The following MGAT4A variants were observed in gnomAD, a reference collection of about 807,000 sequenced individuals.
MGAT4A encodes N-acetylglucosaminyltransferase IVa.
A neutral mutation model predicts 74.1 loss-of-function variants in MGAT4A; 33 were observed. The ratio of observed to expected loss-of-function variants is 0.45; its 90% CI spans 0.34 to 0.60. MGAT4A has a LOEUF of 0.60. MGAT4A is among the 20% of genes least tolerant of loss of function. The pLI, the probability that MGAT4A is intolerant of heterozygous loss-of-function variation, is 0.02. For synonymous variants in MGAT4A, 198 were observed against 210.4 expected (o/e 0.94, Z 0.51); for missense variants, 479 against 628.3 (o/e 0.76, Z 2.54).
chr2:98,691,579 T>C (rs1366019735), intron 2 of MGAT4A, among the ~76,000 whole-genome samples: 1 of 152,236 alleles, frequency 6.6e-6, no homozygotes, highest in Non-Finnish European at 1.5e-5. Context: ...CTGCCAGTCA[T>C]GTAACAGTCT....
At position 98,623,270 on chromosome 2, in the gene MGAT4A, C is replaced by G. The variant is rs964375503; in HGVS notation, c.*2296G>C. On this transcript the variant is annotated 3_prime_UTR_variant, in exon 16 of 16. Coordinates refer to ENST00000393487, the MANE Select transcript of MGAT4A (RefSeq NM_012214.3). ...GCTGGGAGGGCAAACTGCATGAAAA[C>G]AGGAAAAAGCTAGCCAGGCAGGCTG... 2 of 985,300 alleles carry G rather than the reference C, an allele frequency of 2.0e-6. No individual in the cohort carries two copies. The highest frequency in any genetic ancestry group is 2.4e-6 in the Non-Finnish European group (2 of 829,952). 61.0% of individuals were successfully genotyped at this position (985,300 alleles called of 1,614,324 possible).
intron 2 of MGAT4A, among the ~76,000 whole-genome samples, chr2:98,721,073 C>G (rs1036192544): frequency 6.6e-6 from 1 of 152,126 alleles, no homozygotes; most frequent in African/African-American, 2.4e-5. Context: ...AAGGGAACTT[C>G]CATAAGATTA....
intron 14 of MGAT4A, among the ~76,000 whole-genome samples, chr2:98,627,934 T>C (rs1701172011): frequency 6.6e-6 from 1 of 152,218 alleles, no homozygotes; most frequent in Non-Finnish European, 1.5e-5. Flanking sequence ...TATGACACAT[T>C]CAAATCTTTT....
intron 8 of MGAT4A, among the ~76,000 whole-genome samples, chr2:98,654,684 T>A (rs189504200): frequency 9.9e-4 from 151 of 152,270 alleles, no homozygotes; most frequent in Non-Finnish European, 2.0e-3. Flanking sequence ...TGTGCTCATG[T>A]ATTGGAAGAC....
In MGAT4A at chr2:98,623,904, C is replaced by T. The variant is rs1701100254; in HGVS notation, c.*1662G>A. The T allele has an allele frequency of 1.0e-6, 1 of 985,396 alleles. No homozygotes were observed. The allele number at this position is 985,396 out of a possible 1,614,324, so 61.0% of individuals were successfully genotyped here. A position where few individuals can be genotyped will look rare whatever the true frequency, so the allele number is the denominator to read the frequency against. On this transcript the variant is annotated 3_prime_UTR_variant, in exon 16 of 16. Transcript: ENST00000393487. ...AGCGCTAGGCCCCAGCCAGTGGTCACTCTGAAAGCTCAGCAGAATCCATCT... is the reference window on the plus strand; with the variant it reads ...AGCGCTAGGCCCCAGCCAGTGGTCATTCTGAAAGCTCAGCAGAATCCATCT...
intron 2 of MGAT4A, among the ~76,000 whole-genome samples, chr2:98,700,427 G>GTCTA (rs145963788): frequency 6.7e-6 from 1 of 149,828 alleles, no homozygotes; most frequent in African/African-American, 2.5e-5. Context: ...TGCATTATCT[G>GTCTA]TCTATCTATC....
At chr2:98,726,030 A>AG in intron 2 of MGAT4A, 1 of 476,308 alleles carries the variant, frequency 2.1e-6, no homozygotes, top group Non-Finnish European at 3.7e-6. Context: ...CAATTATAAG[A>AG]AACTGAAAAC....
chr2:98,655,768 C>T, intron 7 of MGAT4A: 1 of 342,094 alleles, frequency 2.9e-6, no homozygotes, highest in Non-Finnish European at 5.3e-6. Context: ...AAAAATGAGT[C>T]TAATATCAAG....
At chr2:98,627,735 AT>A (rs932356994) in intron 14 of MGAT4A, among the ~76,000 whole-genome samples, 12 of 152,172 alleles carry the variant, frequency 7.9e-5, no homozygotes, top group African/African-American at 2.9e-4. Context: ...ATTTGGGAAA[AT>A]TTCAATCTTG....
chr2:98,651,346 T>C (rs985699128), intron 8 of MGAT4A, among the ~76,000 whole-genome samples: 1 of 152,202 alleles, frequency 6.6e-6, no homozygotes, highest in Non-Finnish European at 1.5e-5. Context: ...AAATCACTTC[T>C]TAAAGACTAA....
Position 98,625,715 on chromosome 2 carries a change from A to T in MGAT4A, c.1581+8T>A. 1 of 1,604,422 alleles carries T rather than the reference A, an allele frequency of 6.2e-7. No individual in the cohort carries two copies. Among genetic ancestry groups the T allele is most frequent in the South Asian group, 1.1e-5 (1 of 90,606 alleles). ...CTAAGTTGTTTCACTGATTTGATAT[A>T]TGCTTACCTCATTAAGAATGGCCCA... is the stretch of plus-strand genomic sequence containing the variant. On this transcript the variant is annotated splice_region_variant and intron_variant, in intron 15 of 15. Coordinates refer to ENST00000393487, the MANE Select transcript of MGAT4A (RefSeq NM_012214.3).
intron 10 of MGAT4A, among the ~76,000 whole-genome samples, chr2:98,641,295 T>C (rs1701404891): frequency 6.6e-6 from 1 of 151,576 alleles, no homozygotes; most frequent in Non-Finnish European, 1.5e-5. Flanking sequence ...CCAAGGTAGA[T>C]GGATCACCTG....
In MGAT4A at chr2:98,623,277, A is replaced by G; in HGVS notation, c.*2289T>C. ...GGGCAAACTGCATGAAAACAGGAAAAAGCTAGCCAGGCAGGCTGTCTTTAA... is the reference window on the plus strand; with the variant it reads ...GGGCAAACTGCATGAAAACAGGAAAGAGCTAGCCAGGCAGGCTGTCTTTAA... On this transcript the variant is annotated 3_prime_UTR_variant, in exon 16 of 16. Transcript: ENST00000393487. The G allele has an allele frequency of 1.0e-6, 1 of 985,372 alleles. No individual in the cohort carries two copies. The highest frequency in any genetic ancestry group is 1.2e-6 in the Non-Finnish European group (1 of 829,946). 61.0% of individuals were successfully genotyped at this position (985,372 alleles called of 1,614,324 possible).
intron 2 of MGAT4A, among the ~76,000 whole-genome samples, chr2:98,690,455 C>T (rs2104301844): frequency 6.6e-6 from 1 of 152,314 alleles, no homozygotes; most frequent in African/African-American, 2.4e-5. Flanking sequence ...CTGATGGATG[C>T]TTTGGACTTT....
chr2:98,709,870 A>G (rs1382964648), intron 2 of MGAT4A, among the ~76,000 whole-genome samples: 3 of 152,178 alleles, frequency 2.0e-5, no homozygotes, highest in East Asian at 1.9e-4. Flanking sequence ...CACTTTTCAC[A>G]TTCTCCTTTA....
intron 4 of MGAT4A, among the ~76,000 whole-genome samples, chr2:98,667,110 T>C (rs1041459073): frequency 5.8e-5 from 3 of 51,594 alleles, no homozygotes; most frequent in Non-Finnish European, 1.0e-4. Flanking sequence ...CTCTGCCTGC[T>C]GCCATCCACA....
intron 8 of MGAT4A, among the ~76,000 whole-genome samples, chr2:98,654,833 A>G (rs1286562754): frequency 6.6e-6 from 1 of 152,154 alleles, no homozygotes; most frequent in Non-Finnish European, 1.5e-5. Flanking sequence ...GTGACCCTAA[A>G]CAGCCAAAAT....
intron 8 of MGAT4A, among the ~76,000 whole-genome samples, chr2:98,648,200 T>C (rs1701523134): frequency 6.6e-6 from 1 of 152,222 alleles, no homozygotes; most frequent in South Asian, 2.1e-4. Context: ...CAAATGTGAT[T>C]ATTTTAAGAA....
chr2:98,708,232 T>G (rs1702467314), intron 2 of MGAT4A, among the ~76,000 whole-genome samples: 1 of 152,084 alleles, frequency 6.6e-6, no homozygotes, highest in South Asian at 2.1e-4. Context: ...CCTCCCAAAG[T>G]GCTGGGATTA....
Sources: gnomAD v4.1 joint callset for allele counts (sites outside exome capture counted in the v4.1 genomes callset) on GRCh38, gnomAD v4.1.1 for gene constraint, MANE v1.5 for transcripts, NCBI Gene and HGNC (gene_info 2026-07-23, HGNC 2026-07-21) for gene names.